MGAT4C: variants seen among roughly 807,000 people sequenced by gnomAD.
MGAT4C encodes alpha-1,3-mannosyl-glycoprotein 4-beta-N-acetylglucosaminyltransferase C.
A neutral mutation model predicts 40.1 loss-of-function variants in MGAT4C; 19 were observed. The observed-to-expected ratio is 0.47, with a 90% CI of 0.33 to 0.70. The LOEUF is 0.70. MGAT4C is among the 30% of genes least tolerant of loss of function. The probability of loss-of-function intolerance (pLI) is 0.02; values close to 1 mark genes in which losing one functional copy is unlikely to be tolerated. For missense variants in MGAT4C, 491 were observed against 563.2 expected, an observed-to-expected ratio of 0.87 and a Z score of 1.30; for synonymous variants, 181 against 187.1, an observed-to-expected ratio of 0.97 and a Z score of 0.27.
chr12:86,693,239 T>G (rs762893274), intron 2 of MGAT4C, among the ~76,000 whole-genome samples: 19 of 152,334 alleles, frequency 1.2e-4, no homozygotes, highest in Non-Finnish European at 2.2e-4. Context: ...CATTTTATTC[T>G]AAAAATATGA....
At chr12:86,181,071 T>A (rs1367947407) in intron 1 of MGAT4C, among the ~76,000 whole-genome samples, 1 of 152,168 alleles carries the variant, frequency 6.6e-6, no homozygotes, top group African/African-American at 2.4e-5. Flanking sequence ...TCCCATGCTA[T>A]TCTCATGACA....
intron 1 of MGAT4C, among the ~76,000 whole-genome samples, chr12:86,166,974 G>A (rs1410135875): frequency 6.6e-6 from 1 of 152,102 alleles, no homozygotes; most frequent in Non-Finnish European, 1.5e-5. Context: ...TTCATTTGCT[G>A]ACTTTGAATT....
intron 2 of MGAT4C, among the ~76,000 whole-genome samples, chr12:86,018,314 G>A (rs1169109814): frequency 6.6e-6 from 1 of 152,116 alleles, no homozygotes; most frequent in Admixed American, 6.6e-5. Flanking sequence ...GAATACAACA[G>A]TAAATTACAT....
At chr12:86,664,575 A>T (rs2136553818) in intron 2 of MGAT4C, among the ~76,000 whole-genome samples, 1 of 152,248 alleles carries the variant, frequency 6.6e-6, no homozygotes, top group South Asian at 2.1e-4. Flanking sequence ...TGTAGTTAAG[A>T]ATGCTATATT....
rs796232236 is a variant in MGAT4C, at chr12:86,281,362, C to G, written c.-57+52703G>C. Reference sequence around the variant, plus strand: ...TTTCCTCCCCCTTTCCTTCCTCTCTCCATCCCTCTCAATATAAAATATATA... The same window carrying G: ...TTTCCTCCCCCTTTCCTTCCTCTCTGCATCCCTCTCAATATAAAATATATA... On this transcript the variant is annotated intron_variant, in intron 4 of 7. Coordinates refer to the MGAT4C transcript ENST00000548651. 5.3e-4 allele frequency among the ~76,000 whole-genome samples: 81 copies of G among 152,096 alleles called. 1 individual carries two copies. Among genetic ancestry groups the G allele is most frequent in the African/African-American group, 1.3e-3 (55 of 41,512 alleles).
At chr12:86,196,463 C>A (rs1008032086) in intron 1 of MGAT4C, among the ~76,000 whole-genome samples, 1 of 152,206 alleles carries the variant, frequency 6.6e-6, no homozygotes, top group Non-Finnish European at 1.5e-5. Context: ...CAGGAGGTGG[C>A]CCTCTTCCTC....
At chr12:86,181,280 C>T (rs1888092482) in intron 1 of MGAT4C, among the ~76,000 whole-genome samples, 3 of 151,800 alleles carry the variant, frequency 2.0e-5, no homozygotes, top group South Asian at 4.2e-4. Context: ...TTTTTAGCAG[C>T]ATGAAAAAAA....
intron 2 of MGAT4C, among the ~76,000 whole-genome samples, chr12:86,667,030 A>C (rs938646686): frequency 2.0e-5 from 3 of 152,232 alleles, no homozygotes; most frequent in African/African-American, 7.2e-5. Context: ...ACCATGTGAC[A>C]TGCATAAATT....
chr12:86,723,075 C>G (rs1189976924), intron 2 of MGAT4C, among the ~76,000 whole-genome samples: 1 of 152,120 alleles, frequency 6.6e-6, no homozygotes, highest in Non-Finnish European at 1.5e-5. Context: ...ACATGATAGC[C>G]ACATCACACA....
At chr12:86,626,747 C>G (rs1962818499) in intron 2 of MGAT4C, among the ~76,000 whole-genome samples, 1 of 152,178 alleles carries the variant, frequency 6.6e-6, no homozygotes, top group African/African-American at 2.4e-5. Context: ...GGAAATTGTT[C>G]TGTTCCAAGG....
chr12:86,496,265 T>C (rs1958232668), intron 2 of MGAT4C, among the ~76,000 whole-genome samples: 1 of 151,974 alleles, frequency 6.6e-6, no homozygotes, highest in African/African-American at 2.4e-5. Context: ...TAAAAGAATT[T>C]TGATTGGTTT....
intron 2 of MGAT4C, among the ~76,000 whole-genome samples, chr12:86,444,064 G>A (rs1327328319): frequency 6.6e-6 from 1 of 151,914 alleles, no homozygotes; most frequent in African/African-American, 2.4e-5. Context: ...TGTCTCTCTA[G>A]TAACCATATT....
intron 1 of MGAT4C, among the ~76,000 whole-genome samples, chr12:86,737,777 T>A (rs1347300019): frequency 1.3e-5 from 2 of 151,458 alleles, no homozygotes; most frequent in African/African-American, 4.8e-5. Flanking sequence ...ACAGACTTCC[T>A]TTAGTCTTTT....
chr12:86,188,474 G>C (rs1473312041), intron 1 of MGAT4C, among the ~76,000 whole-genome samples: 1 of 151,678 alleles, frequency 6.6e-6, no homozygotes, highest in Non-Finnish European at 1.5e-5. Flanking sequence ...GTCCCAGTTT[G>C]GTCTTTAGAT....
intron 3 of MGAT4C, among the ~76,000 whole-genome samples, chr12:86,389,125 A>G (rs969974087): frequency 2.0e-5 from 3 of 152,134 alleles, no homozygotes; most frequent in Admixed American, 1.3e-4. Flanking sequence ...TTTGTTGTAC[A>G]GATTATTTCA....
chr12:86,213,463 A>C (rs2135966008), intron 1 of MGAT4C, among the ~76,000 whole-genome samples: 1 of 152,322 alleles, frequency 6.6e-6, no homozygotes, highest in African/African-American at 2.4e-5. Flanking sequence ...GGCATTGAAT[A>C]AAATAGTTTT....
intron 1 of MGAT4C, among the ~76,000 whole-genome samples, chr12:86,790,231 G>T (rs1183308149): frequency 6.6e-6 from 1 of 152,066 alleles, no homozygotes; most frequent in Non-Finnish European, 1.5e-5. Context: ...ATATATGAAT[G>T]CATAAAATGA....
In MGAT4C at chr12:86,089,326, T is replaced by A. The variant is rs149912691; in HGVS notation, c.-56-39603A>T. ...TTTATAAAAAGATGTATCCTCTATC[T>A]GTTAATACATTGAAAATGTATTAAA... is the stretch of plus-strand genomic sequence containing the variant. On this transcript the variant is annotated intron_variant, in intron 1 of 4. Coordinates refer to ENST00000611864, the MANE Select transcript of MGAT4C (RefSeq NM_001351288.2). Among the ~76,000 whole-genome samples, 75 of 152,086 alleles carry A rather than the reference T, an allele frequency of 4.9e-4. 1 individual carries two copies. Among genetic ancestry groups the A allele is most frequent in the African/African-American group, 1.7e-3 (69 of 41,560 alleles).
chr12:86,306,692 G>A (rs1040048371), intron 4 of MGAT4C, among the ~76,000 whole-genome samples: 1 of 150,390 alleles, frequency 6.6e-6, no homozygotes, highest in Non-Finnish European at 1.5e-5. Flanking sequence ...ATTTTATTCT[G>A]TGGAAGTTTA....
Sources: gnomAD v4.1 joint callset for allele counts (sites outside exome capture counted in the v4.1 genomes callset) on GRCh38, gnomAD v4.1.1 for gene constraint, MANE v1.5 for transcripts, NCBI Gene and HGNC (gene_info 2026-07-23, HGNC 2026-07-21) for gene names.